CSPP1: variants seen among roughly 807,000 people sequenced by gnomAD.
The protein encoded by CSPP1 is centrosome and spindle pole associated protein 1, also known as centrosome and spindle pole-associated protein 1.
CSPP1 carries 126 observed loss-of-function variants against 164.4 expected under a neutral mutation model. The observed-to-expected ratio is 0.77, with a 90% CI of 0.66 to 0.89. CSPP1 has a LOEUF of 0.89. CSPP1 is among the 40% of genes least tolerant of loss of function. The probability of loss-of-function intolerance (pLI) is 0.00; values close to 1 mark genes in which losing one functional copy is unlikely to be tolerated. For synonymous variants in CSPP1, 472 were observed against 476.7 expected (o/e 0.99, Z 0.13); for missense variants, 1,395 against 1,449.8 (o/e 0.96, Z 0.61).
At position 67,118,814 on chromosome 8, in the gene CSPP1, C is replaced by A. The variant is rs1376409993; in HGVS notation, c.1690C>A (p.Pro564Thr). The A allele has an allele frequency of 2.5e-6, 4 of 1,605,304 alleles. No homozygotes were observed. In the East Asian group the frequency reaches 8.9e-5, roughly 36 times the overall value. The change falls in exon 15 of 31, where the codon CCT becomes ACT. Residue 564 changes from proline (P) to threonine (T), a missense_variant. Coordinates refer to ENST00000678616, the MANE Select transcript of CSPP1 (RefSeq NM_001382391.1). ...SAPVTHQLAQ[P>T]VVNTVGQNEL... ...TCCTGTCACCCACCAACTAGCACAA[C>A]CTGTTGTGTAAGTTATTAGTTAAAA...
Position 67,179,288 on chromosome 8 carries a change from G to A in CSPP1, c.3157-575G>A, listed in dbSNP as rs185134944. Among the ~76,000 whole-genome samples the A allele has an allele frequency of 1.5e-3, 229 of 152,014 alleles. 2 individuals are homozygous for A. Among genetic ancestry groups the A allele is most frequent in the Middle Eastern group, 6.8e-3 (2 of 294 alleles). On this transcript the variant is annotated intron_variant, in intron 27 of 30. Transcript: ENST00000678616. The stretch of plus-strand genomic sequence containing the variant: ...ATACTATATGCTCCACTATATCTGT[G>A]CTGCATCATTGTGGCAATTGCTGTC...
intron 16 of CSPP1, among the ~76,000 whole-genome samples, chr8:67,136,961 G>A (rs1822437450): frequency 6.6e-6 from 1 of 151,910 alleles, no homozygotes; most frequent in Admixed American, 6.6e-5. Flanking sequence ...ATGTATTCTA[G>A]CCATTGAATT....
intron 19 of CSPP1, among the ~76,000 whole-genome samples, chr8:67,157,463 T>C (rs1220797209): frequency 6.6e-6 from 1 of 152,050 alleles, no homozygotes; most frequent in Non-Finnish European, 1.5e-5. Context: ...GCCTGGCTAA[T>C]TTTTGTATTT....
chr8:67,169,599 A>C (rs79516447), intron 24 of CSPP1, among the ~76,000 whole-genome samples: 1 of 151,414 alleles, frequency 6.6e-6, no homozygotes, highest in African/African-American at 2.4e-5. Flanking sequence ...ACCCCCACGC[A>C]CGGCTAATTT....
chr8:67,165,274 ACT>A (rs1393158890), intron 24 of CSPP1, among the ~76,000 whole-genome samples: 5 of 152,074 alleles, frequency 3.3e-5, no homozygotes, highest in South Asian at 4.2e-4. Flanking sequence ...ACAGAGTGAG[ACT>A]CTGTCTCACG....
intron 28 of CSPP1, among the ~76,000 whole-genome samples, chr8:67,185,479 G>A (rs1834322232): frequency 6.6e-6 from 1 of 152,200 alleles, no homozygotes; most frequent in East Asian, 1.9e-4. Context: ...AAGTAACACT[G>A]GCAACTTTGA....
intron 12 of CSPP1, among the ~76,000 whole-genome samples, chr8:67,115,611 T>C (rs912070045): frequency 3.9e-5 from 6 of 152,116 alleles, no homozygotes; most frequent in Non-Finnish European, 8.8e-5. Context: ...GTGGAAGTTG[T>C]TGTGACCTGA....
At chr8:67,116,352 T>A (rs1230203406) in intron 13 of CSPP1, among the ~76,000 whole-genome samples, 1 of 152,254 alleles carries the variant, frequency 6.6e-6, no homozygotes, top group African/African-American at 2.4e-5. Flanking sequence ...TAGAATGAAT[T>A]ACTAAGTACA....
At chr8:67,158,702 T>G (rs1827146618) in intron 20 of CSPP1, 106 bp downstream of exon 20, 5 of 1,351,288 alleles carry the variant, frequency 3.7e-6, no homozygotes, top group Non-Finnish European at 3.9e-6. Flanking sequence ...TGGAGTACAT[T>G]TAGAAAATAT....
intron 4 of CSPP1, among the ~76,000 whole-genome samples, chr8:67,087,911 G>C (rs899985165): frequency 2.6e-5 from 4 of 152,142 alleles, no homozygotes; most frequent in South Asian, 4.2e-4. Flanking sequence ...TGATTTCCTC[G>C]CGCTAATTTT....
intron 16 of CSPP1, among the ~76,000 whole-genome samples, chr8:67,136,493 C>T (rs977138728): frequency 3.5e-5 from 5 of 142,764 alleles, no homozygotes; most frequent in Non-Finnish European, 6.0e-5. Context: ...GGCGTGAACC[C>T]GGGAGGCGGA....
intron 24 of CSPP1, among the ~76,000 whole-genome samples, chr8:67,164,811 G>T (rs1419108649): frequency 6.6e-6 from 1 of 152,078 alleles, no homozygotes; most frequent in Non-Finnish European, 1.5e-5. Flanking sequence ...TCACGTACGG[G>T]CTACCGAACA....
Position 67,116,063 on chromosome 8 carries a change from T to C in CSPP1, c.1437T>C (p.Ser479=). ...TCCCATCAGTTCATCCTGTTCCTTC[T>C]CAAAATGAAGATTTGCGCAGTGGAC... ...PPIPSVHPVP[S]QNEDLRSGLS... Residue 479 remains serine, a synonymous_variant, in exon 13 of 31, where the codon TCT becomes TCC. Transcript: ENST00000678616. 6.2e-7 allele frequency: 1 copy of C among 1,614,104 alleles called. No homozygotes were observed. Among genetic ancestry groups the C allele is most frequent in the East Asian group, 2.2e-5 (1 of 44,880 alleles).
At chr8:67,193,360 G>GT (rs1836950637) in intron 29 of CSPP1, 104 bp from the exon 30 acceptor site, 2 of 996,634 alleles carry the variant, frequency 2.0e-6, no homozygotes, top group Admixed American at 4.4e-5. Flanking sequence ...GCTTCCCAAA[G>GT]TGCTGGGATC....
chr8:67,148,132 T>C (rs1306769199), intron 17 of CSPP1, among the ~76,000 whole-genome samples: 2 of 152,118 alleles, frequency 1.3e-5, no homozygotes, highest in Non-Finnish European at 2.9e-5. Context: ...TTGCCCAGGA[T>C]GGTCTTAAAC....
intron 18 of CSPP1, among the ~76,000 whole-genome samples, chr8:67,150,772 C>T (rs539559852): frequency 1.3e-5 from 2 of 151,868 alleles, no homozygotes; most frequent in Admixed American, 6.6e-5. Flanking sequence ...GAAAATTATT[C>T]AATTATCTTT....
Position 67,118,729 on chromosome 8 carries a change from G to C in CSPP1, c.1619-14G>C. The C allele has an allele frequency of 6.4e-7, 1 of 1,565,532 alleles. No individual in the cohort carries two copies. Among genetic ancestry groups the C allele is most frequent in the Non-Finnish European group, 8.7e-7 (1 of 1,154,410 alleles). ...CTAAATAAACTTTTTTTGTTTTTTT[G>C]TTTTTTCTTTAAGATGGTTCAGGAA... On this transcript the variant is annotated splice_polypyrimidine_tract_variant and intron_variant, in intron 14 of 30. Coordinates refer to ENST00000678616, the MANE Select transcript of CSPP1 (RefSeq NM_001382391.1).
chr8:67,191,121 T>C (rs1270232655), intron 29 of CSPP1, among the ~76,000 whole-genome samples: 1 of 152,200 alleles, frequency 6.6e-6, no homozygotes, highest in Non-Finnish European at 1.5e-5. Context: ...ATCACCTTCA[T>C]TTCGGTCAAA....
intron 3 of CSPP1, among the ~76,000 whole-genome samples, chr8:67,078,631 G>T (rs1278738558): frequency 6.6e-6 from 1 of 151,546 alleles, no homozygotes; most frequent in Admixed American, 6.6e-5. Context: ...AAAGTTCTGG[G>T]ATTACAGGTG....
Sources: gnomAD v4.1 joint callset for allele counts (sites outside exome capture counted in the v4.1 genomes callset) on GRCh38, gnomAD v4.1.1 for gene constraint, MANE v1.5 for transcripts, NCBI Gene and HGNC (gene_info 2026-07-23, HGNC 2026-07-21) for gene names.